SPMIP11: variants seen among roughly 807,000 people sequenced by gnomAD.
SPMIP11 encodes sperm microtubule inner protein 11.
the SPMIP11 span, among the ~76,000 whole-genome samples, chr12:48,762,356 C>CATTTTTT: frequency 4.9e-5 from 3 of 61,232 alleles, no homozygotes; most frequent in African/African-American, 2.9e-4. Flanking sequence ...CCCCGCCCAG[C>CATTTTTT]TTTTTTTTTT....
the SPMIP11 span, among the ~76,000 whole-genome samples, chr12:48,741,336 C>T: frequency 8.5e-5 from 13 of 152,196 alleles, no homozygotes; most frequent in African/African-American, 3.1e-4. Flanking sequence ...CAGGCATGAG[C>T]CACCATGCCT....
the SPMIP11 span, among the ~76,000 whole-genome samples, chr12:48,747,710 A>G: frequency 6.6e-6 from 1 of 152,130 alleles, no homozygotes; most frequent in African/African-American, 2.4e-5. Context: ...ATATCATTCA[A>G]TCTTCCACCT....
At chr12:48,729,863 A>C in the SPMIP11 span, among the ~76,000 whole-genome samples, 7 of 151,786 alleles carry the variant, frequency 4.6e-5, no homozygotes, top group Middle Eastern at 3.4e-3. Context: ...GACCTTAGAG[A>C]CTCCTTAATA....
At chr12:48,753,229 G>C in the SPMIP11 span, among the ~76,000 whole-genome samples, 11 of 152,028 alleles carry the variant, frequency 7.2e-5, no homozygotes, top group African/African-American at 1.7e-4. Flanking sequence ...TTCTTGTCTT[G>C]AGACAATTGA....
the SPMIP11 span, among the ~76,000 whole-genome samples, chr12:48,733,438 G>A: frequency 2.0e-5 from 3 of 152,170 alleles, no homozygotes; most frequent in South Asian, 6.2e-4. Flanking sequence ...TCATGGTTTT[G>A]TCTTCCAAGG....
chr12:48,760,077 G>C, the SPMIP11 span, among the ~76,000 whole-genome samples: 1 of 152,080 alleles, frequency 6.6e-6, no homozygotes, highest in African/African-American at 2.4e-5. Flanking sequence ...GATTACAGGC[G>C]TGAGCCACCA....
At chr12:48,736,158 C>T in the SPMIP11 span, 2 of 431,712 alleles carry the variant, frequency 4.6e-6, no homozygotes, top group South Asian at 3.3e-5. Flanking sequence ...AATCCCAGGA[C>T]TTTGGAAGCC....
At chr12:48,755,934 G>A in the SPMIP11 span, among the ~76,000 whole-genome samples, 4 of 143,596 alleles carry the variant, frequency 2.8e-5, no homozygotes, top group Non-Finnish European at 6.0e-5. Flanking sequence ...CTGGAGTGCA[G>A]TGGTGTGATC....
the SPMIP11 span, among the ~76,000 whole-genome samples, chr12:48,728,404 T>C: frequency 3.1e-4 from 47 of 152,266 alleles, no homozygotes; most frequent in African/African-American, 9.4e-4. Context: ...TAAAGGATGA[T>C]TGGCGTTCAC....
At chr12:48,765,459 A>C in the SPMIP11 span, 1 of 597,656 alleles carries the variant, frequency 1.7e-6, no homozygotes, top group Non-Finnish European at 3.0e-6. Context: ...TTGAACTCCT[A>C]ACCTTGTGAT....
the SPMIP11 span, among the ~76,000 whole-genome samples, chr12:48,736,413 CAAA>C: frequency 1.3e-4 from 9 of 71,840 alleles, no homozygotes; most frequent in Admixed American, 1.6e-4. Flanking sequence ...GACTCTGTCT[CAAA>C]AAAAAAAAAA....
At chr12:48,755,436 C>A in the SPMIP11 span, among the ~76,000 whole-genome samples, 2 of 152,146 alleles carry the variant, frequency 1.3e-5, no homozygotes, top group East Asian at 3.9e-4. Flanking sequence ...GAGCTCATTG[C>A]GTCCCTCTAC....
the SPMIP11 span, among the ~76,000 whole-genome samples, chr12:48,749,990 C>G: frequency 6.6e-6 from 1 of 151,922 alleles, no homozygotes; most frequent in Non-Finnish European, 1.5e-5. Flanking sequence ...CACGCCCAGC[C>G]TATCTCTGGA....
the SPMIP11 span, among the ~76,000 whole-genome samples, chr12:48,732,674 G>A: frequency 2.0e-5 from 3 of 151,894 alleles, no homozygotes; most frequent in Admixed American, 6.6e-5. Flanking sequence ...GGAGGCTGAG[G>A]CAGGAGAATC....
the SPMIP11 span, among the ~76,000 whole-genome samples, chr12:48,756,773 T>TGC: frequency 6.9e-6 from 1 of 144,380 alleles, no homozygotes. Context: ...TTTTTTTTCT[T>TGC]TTTTTCTTTT....
At chr12:48,761,511 C>T in the SPMIP11 span, among the ~76,000 whole-genome samples, 2 of 149,956 alleles carry the variant, frequency 1.3e-5, no homozygotes, top group Admixed American at 1.3e-4. Context: ...ATTCAGGAGG[C>T]TCAGGTGGGA....
the SPMIP11 span, among the ~76,000 whole-genome samples, chr12:48,747,704 C>T: frequency 6.6e-6 from 1 of 152,220 alleles, no homozygotes; most frequent in Non-Finnish European, 1.5e-5. Context: ...TCAACCATAT[C>T]ATTCAATCTT....
the SPMIP11 span, chr12:48,759,457 G>T: frequency 1.7e-6 from 1 of 597,304 alleles, no homozygotes; most frequent in Non-Finnish European, 3.0e-6. Context: ...GGGAGGCCGA[G>T]GCAGGCGGAT....
At chr12:48,756,126 G>A in the SPMIP11 span, among the ~76,000 whole-genome samples, 19 of 151,400 alleles carry the variant, frequency 1.3e-4, no homozygotes, top group African/African-American at 3.9e-4. Context: ...CTCGTGATCC[G>A]CCTGCCTCGG....
Sources: gnomAD v4.1 joint callset for allele counts (sites outside exome capture counted in the v4.1 genomes callset) on GRCh38, gnomAD v4.1.1 for gene constraint, MANE v1.5 for transcripts, NCBI Gene and HGNC (gene_info 2026-07-23, HGNC 2026-07-21) for gene names.